CNTN4: variants seen among roughly 807,000 people sequenced by gnomAD.
CNTN4 encodes contactin-4.
A neutral mutation model predicts 122.5 loss-of-function variants in CNTN4; 77 were observed. That is an observed-to-expected ratio of 0.63 (90% confidence interval 0.52 to 0.76). CNTN4 has a LOEUF of 0.76. Ranked by LOEUF, CNTN4 falls within the 30% of genes least tolerant of loss-of-function variation. CNTN4 has a pLI of 0.00. For missense variants in CNTN4, 1,256 were observed against 1,259.1 expected, an observed-to-expected ratio of 1.00 and a Z score of 0.04; for synonymous variants, 512 against 447.0, an observed-to-expected ratio of 1.15 and a Z score of -1.83.
chr3:2,708,727 TCACACACACACACA>T (rs10530575), intron 4 of CNTN4, among the ~76,000 whole-genome samples: 47 of 151,008 alleles, frequency 3.1e-4, no homozygotes, highest in East Asian at 5.9e-4. Context: ...CACGCGCGCA[TCACACACACACACA>T]CACACACACA....
intron 7 of CNTN4, among the ~76,000 whole-genome samples, chr3:2,848,890 G>T (rs1158380512): frequency 6.6e-6 from 1 of 152,166 alleles, no homozygotes; most frequent in African/African-American, 2.4e-5. Flanking sequence ...GTCTATTCCT[G>T]GAGCCAGAAC....
chr3:2,387,216 G>C (rs1286721661), intron 3 of CNTN4, among the ~76,000 whole-genome samples: 3 of 152,128 alleles, frequency 2.0e-5, no homozygotes, highest in South Asian at 2.1e-4. Context: ...ATGTGACACA[G>C]TCTATTTTGC....
chr3:2,554,849 C>T (rs974098965), intron 3 of CNTN4, among the ~76,000 whole-genome samples: 16 of 152,102 alleles, frequency 1.1e-4, no homozygotes, highest in Non-Finnish European at 1.9e-4. Context: ...GACAGGGGCC[C>T]CAAATGAGGT....
In CNTN4 at chr3:2,673,459, A is replaced by C. The variant is rs114218024; in HGVS notation, c.56-62756A>C. Among the ~76,000 whole-genome samples the C allele has an allele frequency of 3.2e-3, 487 of 152,132 alleles. 3 individuals are homozygous for C. The highest frequency in any genetic ancestry group is 0.011 in the African/African-American group (465 of 41,510). On this transcript the variant is annotated intron_variant, in intron 4 of 24. Coordinates refer to ENST00000418658, the MANE Select transcript of CNTN4 (RefSeq NM_175607.3). ...TCAATAGGTGGACTCTTACTTCCCT[A>C]TCCCCTTAGTCTGGGCTGGGCTTGT...
chr3:2,463,852 A>G (rs1016053054), intron 3 of CNTN4, among the ~76,000 whole-genome samples: 1 of 152,148 alleles, frequency 6.6e-6, no homozygotes, highest in African/African-American at 2.4e-5. Flanking sequence ...GTCTGGTACT[A>G]CGGTATGATA....
chr3:2,102,688 C>T (rs766878021), intron 2 of CNTN4, among the ~76,000 whole-genome samples: 10 of 152,078 alleles, frequency 6.6e-5, no homozygotes, highest in African/African-American at 9.7e-5. Flanking sequence ...GTTAATTGCC[C>T]AGAACTGGAA....
chr3:2,611,810 G>T (rs2081502944), intron 4 of CNTN4, among the ~76,000 whole-genome samples: 2 of 152,140 alleles, frequency 1.3e-5, no homozygotes, highest in African/African-American at 4.8e-5. Flanking sequence ...TCTCTCTGTT[G>T]TATAACAGAG....
intron 19 of CNTN4, chr3:3,039,761 T>C: frequency 2.4e-6 from 1 of 424,510 alleles, no homozygotes; most frequent in Non-Finnish European, 4.4e-6. Context: ...TTTTTTTTTT[T>C]ACAATCATTT....
chr3:2,193,402 A>T (rs2037681607), intron 2 of CNTN4, among the ~76,000 whole-genome samples: 2 of 152,186 alleles, frequency 1.3e-5, no homozygotes, highest in Non-Finnish European at 2.9e-5. Flanking sequence ...AAGGGACTAT[A>T]AAAATGGCTC....
At position 2,841,589 on chromosome 3, in the gene CNTN4, G is replaced by A. The variant is rs1157137488; in HGVS notation, c.454+22008G>A. ...CAAACTATATTTGGCCATTGGCTTC[G>A]GGATTTGGTTATTTCCTCAACCCTT... is the stretch of plus-strand genomic sequence containing the variant. On this transcript the variant is annotated intron_variant, in intron 7 of 24. Coordinates refer to ENST00000418658, the MANE Select transcript of CNTN4 (RefSeq NM_175607.3). The surrounding 1 kb of genome is among the most constrained non-coding windows in gnomAD (Gnocchi z 4.8). 6.6e-6 allele frequency among the ~76,000 whole-genome samples: 1 copy of A among 152,140 alleles called. No individual in the cohort carries two copies. The highest frequency in any genetic ancestry group is 1.5e-5 in the Non-Finnish European group (1 of 68,024).
At chr3:2,974,008 G>A (rs1207853333) in intron 13 of CNTN4, among the ~76,000 whole-genome samples, 1 of 152,146 alleles carries the variant, frequency 6.6e-6, no homozygotes, top group Admixed American at 6.6e-5. Flanking sequence ...ACATTAAAAA[G>A]CACTGAGCAA....
At chr3:2,281,836 T>G (rs1315223030) in intron 2 of CNTN4, among the ~76,000 whole-genome samples, 6 of 152,158 alleles carry the variant, frequency 3.9e-5, no homozygotes, top group Non-Finnish European at 5.9e-5. Flanking sequence ...TAAAGAGCAG[T>G]TAATTTTGAG....
chr3:2,790,991 ACT>A (rs1199771283), intron 6 of CNTN4, among the ~76,000 whole-genome samples: 1 of 150,532 alleles, frequency 6.6e-6, no homozygotes, highest in African/African-American at 2.5e-5. Flanking sequence ...TAGCCTGTAA[ACT>A]CTGTGTCACA....
intron 2 of CNTN4, among the ~76,000 whole-genome samples, chr3:2,229,620 G>A (rs113871308): frequency 0.029 from 4,395 of 152,148 alleles, 208 homozygotes; most frequent in African/African-American, 0.1. Context: ...TGAGGGCAGA[G>A]CCTCTGTCTT....
chr3:2,998,133 T>A (rs1695694414), intron 14 of CNTN4, among the ~76,000 whole-genome samples: 1 of 152,194 alleles, frequency 6.6e-6, no homozygotes, highest in Non-Finnish European at 1.5e-5. Context: ...ATTGGCTTTG[T>A]CCACAGCATG....
chr3:2,198,791 C>T (rs1161672776), intron 2 of CNTN4, among the ~76,000 whole-genome samples: 1 of 152,156 alleles, frequency 6.6e-6, no homozygotes. Context: ...CAGCTCTTAT[C>T]ATTTAGTCAT....
chr3:2,840,731 A>G (rs974601003), intron 7 of CNTN4, among the ~76,000 whole-genome samples: 3 of 151,854 alleles, frequency 2.0e-5, no homozygotes, highest in Admixed American at 6.6e-5. Flanking sequence ...AAAAAATAAA[A>G]GCTGGACGAC....
intron 2 of CNTN4, among the ~76,000 whole-genome samples, chr3:2,118,582 C>A (rs575047901): frequency 6.6e-6 from 1 of 152,260 alleles, no homozygotes; most frequent in South Asian, 2.1e-4. Context: ...ATATATTATT[C>A]ATTAATCTGA....
At chr3:2,303,391 C>A (rs2042594984) in intron 2 of CNTN4, among the ~76,000 whole-genome samples, 1 of 152,138 alleles carries the variant, frequency 6.6e-6, no homozygotes, top group Non-Finnish European at 1.5e-5. Context: ...CAACCCAGCT[C>A]TGGACAACCA....
Sources: allele counts gnomAD v4.1 joint callset (sites outside exome capture counted in the v4.1 genomes callset), GRCh38; gene constraint gnomAD v4.1.1; non-coding constraint Gnocchi (gnomAD v3.1); transcripts MANE v1.5; gene names NCBI Gene and HGNC (gene_info 2026-07-23, HGNC 2026-07-21).